SDK1: variants seen among roughly 807,000 people sequenced by gnomAD.
SDK1 encodes sidekick cell adhesion molecule 1, also known as protein sidekick-1.
Under a neutral mutation model 245.5 loss-of-function variants are expected in SDK1, and 157 were observed. That is an observed-to-expected ratio of 0.64 (90% CI 0.56 to 0.73). SDK1 has a LOEUF of 0.73. Among genes scored for constraint, SDK1 ranks in the 30% least tolerant of loss-of-function variants. The pLI, the probability that SDK1 is intolerant of heterozygous loss-of-function variation, is 0.00. For synonymous variants in SDK1, 1,647 were observed against 1,278.5 expected, an observed-to-expected ratio of 1.29 and a Z score of -6.15; for missense variants, 3,583 against 3,002.3, an observed-to-expected ratio of 1.19 and a Z score of -4.52.
At chr7:3,837,787 T>A (rs981004220) in intron 5 of SDK1, among the ~76,000 whole-genome samples, 6 of 152,250 alleles carry the variant, frequency 3.9e-5, no homozygotes, top group African/African-American at 1.4e-4. Flanking sequence ...TTAAACTTTT[T>A]TATTTTGGTA....
intron 32 of SDK1, among the ~76,000 whole-genome samples, chr7:4,167,782 C>G (rs1781584621): frequency 6.6e-6 from 1 of 152,240 alleles, no homozygotes; most frequent in African/African-American, 2.4e-5. Context: ...GCAAAGCGAA[C>G]CTTTTGTTTC....
At chr7:3,731,810 TGA>T (rs1779185805) in intron 4 of SDK1, among the ~76,000 whole-genome samples, 1 of 152,206 alleles carries the variant, frequency 6.6e-6, no homozygotes, top group South Asian at 2.1e-4. Context: ...TTTATTTTTT[TGA>T]GACAGAGTCT....
chr7:3,432,869 A>G (rs1779905327), intron 1 of SDK1, among the ~76,000 whole-genome samples: 1 of 152,222 alleles, frequency 6.6e-6, no homozygotes, highest in Non-Finnish European at 1.5e-5. Context: ...AGCCTGAAAA[A>G]TTGCTTTTCT....
intron 4 of SDK1, among the ~76,000 whole-genome samples, chr7:3,694,115 A>C (rs1462483703): frequency 1.3e-5 from 2 of 152,148 alleles, no homozygotes; most frequent in East Asian, 3.9e-4. Flanking sequence ...TTGGAAGGCA[A>C]ATTGTAAAAG....
intron 1 of SDK1, among the ~76,000 whole-genome samples, chr7:3,532,490 A>C (rs1319913451): frequency 6.6e-6 from 1 of 152,106 alleles, no homozygotes; most frequent in African/African-American, 2.4e-5. Flanking sequence ...TGGTGGAGTA[A>C]ATTGAGCCCT....
At chr7:3,703,260 T>A (rs1278097782) in intron 4 of SDK1, among the ~76,000 whole-genome samples, 1 of 152,164 alleles carries the variant, frequency 6.6e-6, no homozygotes, top group East Asian at 1.9e-4. Flanking sequence ...GGTGCATTCA[T>A]GTCATAGAAC....
chr7:4,214,569 G>A (rs539596913), intron 38 of SDK1, among the ~76,000 whole-genome samples: 1 of 152,326 alleles, frequency 6.6e-6, no homozygotes, highest in Admixed American at 6.5e-5. Flanking sequence ...GGCTCTGCAG[G>A]CTGAGGGGCG....
chr7:4,127,459 C>T lies in SDK1; in HGVS notation c.3902C>T (p.Pro1301Leu), dbSNP rs757033817. The T allele has an allele frequency of 4.3e-6, 7 of 1,614,116 alleles. 1 individual carries two copies. The highest frequency in any genetic ancestry group is 2.2e-5 in the South Asian group (2 of 91,064). Residue 1301 changes from proline to leucine, a missense_variant, in exon 26 of 45, where the codon CCG (proline) becomes CTG (leucine). Transcript: ENST00000404826. Reference protein sequence around the residue: ...TQILLTWTSVPEQDQNGLILG... With the variant: ...TQILLTWTSVLEQDQNGLILG... ...ATTTTACTGACATGGACATCCGTGCCGGAACAGGACCAGAATGGGCTCATA... is the reference window on the plus strand; with the variant it reads ...ATTTTACTGACATGGACATCCGTGCTGGAACAGGACCAGAATGGGCTCATA...
At chr7:4,070,801 C>A (rs1780206775) in intron 20 of SDK1, among the ~76,000 whole-genome samples, 1 of 151,924 alleles carries the variant, frequency 6.6e-6, no homozygotes, top group Non-Finnish European at 1.5e-5. Context: ...CCTCTGCCTC[C>A]TGGGTTCAAG....
chr7:3,998,768 G>A (rs55934545), intron 14 of SDK1, among the ~76,000 whole-genome samples: 22,742 of 152,198 alleles, frequency 0.15, 2,537 homozygotes, highest in African/African-American at 0.31. Flanking sequence ...CAACACCTCC[G>A]TATCTTCCGC....
intron 4 of SDK1, among the ~76,000 whole-genome samples, chr7:3,705,698 A>C (rs1784868169): frequency 6.6e-6 from 1 of 152,036 alleles, no homozygotes; most frequent in Admixed American, 6.5e-5. Context: ...TGGCATTGGC[A>C]GACAGCAATA....
At chr7:3,999,928 C>T (rs185577726) in intron 14 of SDK1, among the ~76,000 whole-genome samples, 101 of 152,160 alleles carry the variant, frequency 6.6e-4, no homozygotes, top group Admixed American at 2.0e-3. Flanking sequence ...ATGCCAGACC[C>T]GAGTCTTGTA....
chr7:3,620,300 ATT>A (rs3086082), intron 2 of SDK1, among the ~76,000 whole-genome samples: 47,432 of 149,030 alleles, frequency 0.32, 7,590 homozygotes, highest in South Asian at 0.44. Flanking sequence ...TGCTTACAGC[ATT>A]TTTTTTTTTT....
chr7:3,392,353 T>C lies in SDK1; in HGVS notation c.298+90469T>C, dbSNP rs568120132. 3.6e-4 allele frequency among the ~76,000 whole-genome samples: 55 copies of C among 152,300 alleles called. 1 individual carries two copies. In the South Asian group the frequency reaches 0.011, roughly 30 times the overall value. On this transcript the variant is annotated intron_variant, in intron 1 of 44. Coordinates refer to ENST00000404826, the MANE Select transcript of SDK1 (RefSeq NM_152744.4). The stretch of plus-strand genomic sequence containing the variant: ...TTTTATTGAAACTCAAATTGTCAAA[T>C]CTTTGTCCAATTGTGGTGCCTTTAA...
intron 28 of SDK1, among the ~76,000 whole-genome samples, chr7:4,134,563 G>C (rs1052884021): frequency 6.6e-6 from 1 of 152,230 alleles, no homozygotes; most frequent in Non-Finnish European, 1.5e-5. Flanking sequence ...TCCCCAGCAT[G>C]CTGTGAAACA....
intron 5 of SDK1, among the ~76,000 whole-genome samples, chr7:3,870,755 A>G (rs112713289): frequency 0.011 from 1,601 of 152,230 alleles, 38 homozygotes; most frequent in African/African-American, 0.036. Flanking sequence ...CAAACTACAG[A>G]GTTTATGTAG....
At chr7:3,798,460 A>G (rs1381029733) in intron 4 of SDK1, among the ~76,000 whole-genome samples, 25 of 151,868 alleles carry the variant, frequency 1.6e-4, no homozygotes, top group South Asian at 1.0e-3. Context: ...CTTGTGATCC[A>G]CCCACCTTGG....
intron 1 of SDK1, among the ~76,000 whole-genome samples, chr7:3,475,282 T>G (rs572894947): frequency 1.3e-4 from 20 of 152,276 alleles, no homozygotes; most frequent in African/African-American, 4.6e-4. Context: ...CTCCCCTCTG[T>G]CTGGAAGTGC....
intron 1 of SDK1, among the ~76,000 whole-genome samples, chr7:3,449,505 T>G (rs1780447813): frequency 6.6e-6 from 1 of 152,158 alleles, no homozygotes; most frequent in Non-Finnish European, 1.5e-5. Context: ...TTTGAGAAGA[T>G]TTGACTATAT....
Sources: gnomAD v4.1 joint callset for allele counts (sites outside exome capture counted in the v4.1 genomes callset) on GRCh38, gnomAD v4.1.1 for gene constraint, MANE v1.5 for transcripts, NCBI Gene and HGNC (gene_info 2026-07-23, HGNC 2026-07-21) for gene names.